Variants in DEFB119 observed in about 807,000 individuals in gnomAD.
DEFB119 encodes the protein beta-defensin 119.
In DEFB119, 3 loss-of-function variants were observed where a neutral mutation model predicts 2.5. The observed-to-expected ratio is 1.19, with a 90% CI of 0.54 to 3.07. The LOEUF (loss-of-function observed/expected upper bound fraction) is 3.07, where lower values mean the gene tolerates loss of function less well. Among genes scored for constraint, DEFB119 ranks in the 30% most tolerant of loss-of-function variants. The pLI is 0.03. For missense variants in DEFB119, 113 were observed against 101.1 expected (o/e 1.12, Z -0.50); for synonymous variants, 29 against 33.7 (o/e 0.86, Z 0.48).
intron 1 of DEFB119, among the ~76,000 whole-genome samples, chr20:31,380,413 C>T (rs1160680490): frequency 6.6e-6 from 1 of 152,062 alleles, no homozygotes; most frequent in Non-Finnish European, 1.5e-5. Flanking sequence ...ACTAGAGGCA[C>T]AGTCACCACA....
rs1177707713 is a variant in DEFB119 at position 31,390,499 on chromosome 20, G to A, written c.-16C>T. ...GAAGTTTCATGGCTGGCAGACCTGA[G>A]AGGAGGAGGTGGCTGAGCTGCAGGG... On this transcript the variant is annotated 5_prime_UTR_variant, in exon 1 of 2. Coordinates refer to ENST00000376321, the MANE Select transcript of DEFB119 (RefSeq NM_153289.4). The A allele has an allele frequency of 1.2e-6, 2 of 1,612,616 alleles. No homozygotes were observed. The highest frequency in any genetic ancestry group is 1.7e-6 in the Non-Finnish European group (2 of 1,179,538).
chr20:31,383,534 A>G (rs1242962520), intron 1 of DEFB119, among the ~76,000 whole-genome samples: 1 of 124,390 alleles, frequency 8.0e-6, no homozygotes, highest in African/African-American at 3.5e-5. Context: ...ACTCTGTCTT[A>G]AAAAAAAAAA....
At chr20:31,385,373 A>AC (rs949163383) in intron 1 of DEFB119, among the ~76,000 whole-genome samples, 1 of 83,870 alleles carries the variant, frequency 1.2e-5, no homozygotes, top group Non-Finnish European at 2.6e-5. Flanking sequence ...ATAACAAAAG[A>AC]CAAAAAAAAA....
At chr20:31,384,012 T>A (rs1201858941) in intron 1 of DEFB119, among the ~76,000 whole-genome samples, 2 of 152,160 alleles carry the variant, frequency 1.3e-5, no homozygotes, top group Non-Finnish European at 2.9e-5. Context: ...CTGTGAATCA[T>A]TAAACCTCTT....
chr20:31,379,500 T>G (rs1413457624), intron 1 of DEFB119, among the ~76,000 whole-genome samples: 2 of 119,424 alleles, frequency 1.7e-5, no homozygotes, highest in Non-Finnish European at 3.3e-5. Flanking sequence ...TACTGTTGAG[T>G]CTTTTTTTTT....
At chr20:31,383,077 T>C (rs1986559722) in intron 1 of DEFB119, among the ~76,000 whole-genome samples, 1 of 152,228 alleles carries the variant, frequency 6.6e-6, no homozygotes, top group Non-Finnish European at 1.5e-5. Flanking sequence ...TAGAACTGTG[T>C]ACGTAGCTAA....
intron 1 of DEFB119, among the ~76,000 whole-genome samples, chr20:31,383,379 C>T (rs1986569570): frequency 6.6e-6 from 1 of 151,652 alleles, no homozygotes; most frequent in African/African-American, 2.4e-5. Flanking sequence ...CTTGTCTCTA[C>T]TAAAAAATAC....
chr20:31,378,555 G>C (rs561132861), intron 1 of DEFB119, among the ~76,000 whole-genome samples: 1 of 152,126 alleles, frequency 6.6e-6, no homozygotes, highest in East Asian at 1.9e-4. Flanking sequence ...ACAGAACTGA[G>C]AGCAACCCAA....
At chr20:31,386,837 G>A (rs1482494410) in intron 1 of DEFB119, among the ~76,000 whole-genome samples, 1 of 113,774 alleles carries the variant, frequency 8.8e-6, no homozygotes, top group Non-Finnish European at 1.7e-5. Flanking sequence ...TTTTTGAGAC[G>A]GAGTCTCGCT....
chr20:31,381,419 G>A (rs1986501207), intron 1 of DEFB119, among the ~76,000 whole-genome samples: 1 of 152,220 alleles, frequency 6.6e-6, no homozygotes, highest in African/African-American at 2.4e-5. Flanking sequence ...TAATCTGCAT[G>A]CCTTTCATTT....
intron 1 of DEFB119, among the ~76,000 whole-genome samples, chr20:31,379,689 A>AGTCTCT (rs1986437856): frequency 7.1e-6 from 1 of 141,618 alleles, no homozygotes; most frequent in Non-Finnish European, 1.5e-5. Context: ...GGTGAGATGG[A>AGTCTCT]GTCTCTGTCT....
intron 1 of DEFB119, chr20:31,388,941 T>G: frequency 6.6e-7 from 1 of 1,508,424 alleles, no homozygotes; most frequent in Non-Finnish European, 9.0e-7. Flanking sequence ...TGAAGTATCA[T>G]TCCTTATGAT....
Position 31,377,217 on chromosome 20 carries a change from G to A in DEFB119, c.*29C>T, listed in dbSNP as rs1343511737. ...GGTTGACAGCAGGTCTCTGTGCCCA[G>A]AGAGCTTGAGAATGGTAATCACCAG... On this transcript the variant is annotated 3_prime_UTR_variant, in exon 2 of 2. Transcript: ENST00000376321. 6.3e-7 allele frequency: 1 copy of A among 1,579,586 alleles called. No homozygotes were observed. Among genetic ancestry groups the A allele is most frequent in the South Asian group, 1.2e-5 (1 of 85,538 alleles).
intron 1 of DEFB119, 148 bp from the exon 2 acceptor site, chr20:31,377,587 C>T (rs960360311): frequency 1.1e-6 from 1 of 939,440 alleles, no homozygotes; most frequent in African/African-American, 1.7e-5. Flanking sequence ...AAAAAAGAGT[C>T]AATGTCTTTT....
chr20:31,377,301 C>G lies in DEFB119; in HGVS notation c.200G>C (p.Gly67Ala), dbSNP rs1005468491. 1.2e-6 allele frequency: 2 copies of G among 1,613,876 alleles called. No homozygotes were observed. Among genetic ancestry groups the G allele is most frequent in the Non-Finnish European group, 1.7e-6 (2 of 1,179,960 alleles). The change falls in exon 2 of 2, where the codon GGC (glycine) becomes GCC (alanine). Residue 67 changes from glycine (G) to alanine (A), a missense_variant. By Grantham distance (60) the Gly-to-Ala change is moderately conservative. Transcript: ENST00000376321. The part of the protein sequence containing the change: ...LQSYMRISIS[G>A]KEENTDWSYE... ...AGACCAGTCGGTATTTTCCTCTTTG[C>G]CAGAAATGCTTATCCTCATGTAGGA...
chr20:31,378,225 C>A, intron 1 of DEFB119: 1 of 1,438,270 alleles, frequency 7.0e-7, no homozygotes, highest in South Asian at 1.2e-5. Flanking sequence ...AGACTTTCAC[C>A]ACCACACAGT....
intron 1 of DEFB119, among the ~76,000 whole-genome samples, chr20:31,379,332 A>G (rs1196474609): frequency 1.3e-5 from 2 of 152,156 alleles, no homozygotes; most frequent in Non-Finnish European, 2.9e-5. Context: ...TAGCTGCTCT[A>G]ATAAGTATGT....
chr20:31,382,355 T>C (rs920143698), intron 1 of DEFB119, among the ~76,000 whole-genome samples: 1 of 152,186 alleles, frequency 6.6e-6, no homozygotes, highest in Non-Finnish European at 1.5e-5. Flanking sequence ...TTACTTGCTG[T>C]GTATCCTGGG....
rs4553892 is a variant in DEFB119 at position 31,388,255 on chromosome 20, A to C, written c.61+2168T>G. 7,365 of 985,418 alleles carry C rather than the reference A, an allele frequency of 7.5e-3. 401 individuals carry two copies. The African/African-American group carries it at 0.12, about 15-fold the overall frequency. 61.0% of individuals were successfully genotyped at this position (985,418 alleles called of 1,614,324 possible). A position where few individuals can be genotyped will look rare whatever the true frequency, so the allele number is the denominator to read the frequency against. ...ACTCTAACACAGTTGGAAGGCACAC[A>C]GTTCATATTTCATAAATCCTTGAAT... On this transcript the variant is annotated intron_variant, in intron 1 of 1. Transcript: ENST00000376321.
Sources: allele counts gnomAD v4.1 joint callset (sites outside exome capture counted in the v4.1 genomes callset), GRCh38; gene constraint gnomAD v4.1.1; transcripts MANE v1.5; gene names NCBI Gene and HGNC (gene_info 2026-07-23, HGNC 2026-07-21).